TNR: variants seen among roughly 807,000 people sequenced by gnomAD.
The protein encoded by TNR is tenascin R.
A neutral mutation model predicts 150.4 loss-of-function variants in TNR; 45 were observed. The ratio of observed to expected loss-of-function variants is 0.30; its 90% CI spans 0.24 to 0.38. The LOEUF is 0.38. Ranked by LOEUF, TNR falls within the 10% of genes least tolerant of loss-of-function variation. The pLI, the probability that TNR is intolerant of heterozygous loss-of-function variation, is 1.00. For missense variants in TNR, 1,544 were observed against 1,759.1 expected (o/e 0.88, Z 2.19); for synonymous variants, 687 against 678.4 (o/e 1.01, Z -0.20).
chr1:175,420,102 A>C (rs1571414738), intron 2 of TNR, among the ~76,000 whole-genome samples: 1 of 152,048 alleles, frequency 6.6e-6, no homozygotes, highest in Admixed American at 6.5e-5. Context: ...CCTTCTCTAC[A>C]CCACTGAGCA....
chr1:175,662,562 T>G (rs899112120), intron 1 of TNR, among the ~76,000 whole-genome samples: 6 of 152,230 alleles, frequency 3.9e-5, no homozygotes, highest in African/African-American at 2.4e-5. Context: ...CAGTTGATAA[T>G]GTATGATTGA....
chr1:175,504,596 C>A (rs1016130907), intron 2 of TNR, among the ~76,000 whole-genome samples: 8 of 152,122 alleles, frequency 5.3e-5, no homozygotes, highest in African/African-American at 1.7e-4. Flanking sequence ...GCACCTCCTG[C>A]CCTGTCAGCT....
At chr1:175,409,134 C>T (rs553294762) in intron 2 of TNR, among the ~76,000 whole-genome samples, 1 of 152,248 alleles carries the variant, frequency 6.6e-6, no homozygotes. Context: ...TTCTACCCTC[C>T]TATCATTGAA....
At chr1:175,580,029 T>G (rs1377426527) in intron 1 of TNR, among the ~76,000 whole-genome samples, 1 of 152,188 alleles carries the variant, frequency 6.6e-6, no homozygotes, top group East Asian at 1.9e-4. Context: ...CATCAAGGCA[T>G]TCACCTACAG....
chr1:175,427,901 C>G (rs1056498741), intron 2 of TNR, among the ~76,000 whole-genome samples: 1 of 132,116 alleles, frequency 7.6e-6, no homozygotes, highest in African/African-American at 3.4e-5. Flanking sequence ...TTCCTTCCTT[C>G]CTTCCTTCCT....
intron 1 of TNR, among the ~76,000 whole-genome samples, chr1:175,561,501 C>T (rs1661426146): frequency 6.6e-6 from 1 of 152,198 alleles, no homozygotes; most frequent in Non-Finnish European, 1.5e-5. Context: ...AGAAGGAAAT[C>T]ATGAATTAAT....
At chr1:175,681,117 G>A (rs1292568299) in intron 1 of TNR, among the ~76,000 whole-genome samples, 1 of 152,150 alleles carries the variant, frequency 6.6e-6, no homozygotes, top group Admixed American at 6.5e-5. Flanking sequence ...ACAGGAAGAA[G>A]GGGGGCAGGG....
At chr1:175,566,730 G>A (rs925133767) in intron 1 of TNR, among the ~76,000 whole-genome samples, 1 of 152,222 alleles carries the variant, frequency 6.6e-6, no homozygotes, top group Non-Finnish European at 1.5e-5. Context: ...GCATGCTCAC[G>A]TTCTGATTCC....
chr1:175,734,468 AGAGTTTCATCGACTGTTTCTGCCTGGC>A (rs1667721224), intron 1 of TNR, among the ~76,000 whole-genome samples: 1 of 152,198 alleles, frequency 6.6e-6, no homozygotes, highest in Non-Finnish European at 1.5e-5. Flanking sequence ...CTTGTTGGGC[AGAGTTTCATCGACTGTTTCTGCCTGGC>A]CAGCATGGGC....
In TNR at chr1:175,603,374, A is replaced by G. The variant is rs1663310962; in HGVS notation, c.-164-75005T>C. Reference sequence around the variant, plus strand: ...CTCCCAAAGGAAATAGTAAGGGGTCAGTAAGAATTGACAAAAACTTGAAAA... The same window carrying G: ...CTCCCAAAGGAAATAGTAAGGGGTCGGTAAGAATTGACAAAAACTTGAAAA... On this transcript the variant is annotated intron_variant, in intron 1 of 22. Coordinates refer to ENST00000367674, the MANE Select transcript of TNR (RefSeq NM_003285.3). Among the ~76,000 whole-genome samples the G allele has an allele frequency of 2.0e-5, 3 of 152,250 alleles. No individual in the cohort carries two copies. The South Asian group carries it at 6.2e-4, about 31-fold the overall frequency.
chr1:175,491,806 C>A (rs974018130), intron 2 of TNR, among the ~76,000 whole-genome samples: 4 of 152,028 alleles, frequency 2.6e-5, no homozygotes, highest in Non-Finnish European at 5.9e-5. Flanking sequence ...CCCACCACCA[C>A]ACCCGGCTAA....
In TNR at chr1:175,365,067, G is replaced by C. The variant is rs751493152; in HGVS notation, c.2530C>G (p.Leu844Val). 1 of 1,614,036 alleles carries C rather than the reference G, an allele frequency of 6.2e-7. No homozygotes were observed. Among genetic ancestry groups the C allele is most frequent in the Admixed American group, 1.7e-5 (1 of 60,008 alleles). Reference protein sequence around the residue: ...LQPATEYIVNLVAVHGTVTSE... With the variant: ...LQPATEYIVNVVAVHGTVTSE... ...GTCACTGTGCCATGGACAGCCACAA[G>C]GTTCACAATATACTCTGTGGCTGGT... The change falls in exon 12 of 23, where the codon CTT becomes GTT. Residue 844 changes from leucine to valine, a missense_variant. By Grantham distance (32) the Leu-to-Val change is conservative. Coordinates refer to ENST00000367674, the MANE Select transcript of TNR (RefSeq NM_003285.3).
At chr1:175,645,117 A>C (rs1270520088) in intron 1 of TNR, among the ~76,000 whole-genome samples, 1 of 152,194 alleles carries the variant, frequency 6.6e-6, no homozygotes, top group East Asian at 1.9e-4. Context: ...GATTAAAGAG[A>C]TACAAATGAA....
At chr1:175,600,659 A>T (rs1663198828) in intron 1 of TNR, among the ~76,000 whole-genome samples, 1 of 152,228 alleles carries the variant, frequency 6.6e-6, no homozygotes, top group Non-Finnish European at 1.5e-5. Flanking sequence ...GCAGAACCCC[A>T]GCCCCTGCTT....
intron 11 of TNR, 73 bp from the exon 12 acceptor site, chr1:175,365,352 G>T: frequency 1.3e-6 from 2 of 1,494,708 alleles, no homozygotes; most frequent in Non-Finnish European, 1.8e-6. Flanking sequence ...GAACTTCTTG[G>T]CTAAAGGGAC....
At chr1:175,647,247 T>G (rs1664835429) in intron 1 of TNR, among the ~76,000 whole-genome samples, 2 of 152,192 alleles carry the variant, frequency 1.3e-5, no homozygotes, top group African/African-American at 4.8e-5. Flanking sequence ...GAAAGCTCTT[T>G]CTAACCCATG....
At chr1:175,368,440 T>C (rs1651936568) in intron 9 of TNR, among the ~76,000 whole-genome samples, 1 of 152,224 alleles carries the variant, frequency 6.6e-6, no homozygotes, top group Non-Finnish European at 1.5e-5. Flanking sequence ...CCTCCCTACA[T>C]CCACTTATGA....
At chr1:175,430,151 T>C (rs1187534231) in intron 2 of TNR, among the ~76,000 whole-genome samples, 1 of 152,042 alleles carries the variant, frequency 6.6e-6, no homozygotes, top group Non-Finnish European at 1.5e-5. Context: ...TCACCACAAC[T>C]GTTTCTGAAA....
chr1:175,355,325 C>A (rs545519926), intron 17 of TNR, among the ~76,000 whole-genome samples, 178 bp downstream of exon 17: 3 of 152,264 alleles, frequency 2.0e-5, no homozygotes, highest in African/African-American at 7.2e-5. Context: ...TTCTGGCTTG[C>A]AGACTAGGGC....
Sources: gnomAD v4.1 joint callset for allele counts (sites outside exome capture counted in the v4.1 genomes callset) on GRCh38, gnomAD v4.1.1 for gene constraint, MANE v1.5 for transcripts, NCBI Gene and HGNC (gene_info 2026-07-23, HGNC 2026-07-21) for gene names.